The following FECH variants were observed in gnomAD, a reference collection of about 807,000 sequenced individuals.
FECH encodes the protein ferrochelatase.
In FECH, 40 loss-of-function variants were observed where a neutral mutation model predicts 56.9. That is an observed-to-expected ratio of 0.70 (90% CI 0.55 to 0.92). The LOEUF (loss-of-function observed/expected upper bound fraction) is 0.92. Ranked by LOEUF, FECH falls within the 40% of genes least tolerant of loss-of-function variation. The probability of loss-of-function intolerance (pLI) is 0.00; values close to 1 mark genes in which losing one functional copy is unlikely to be tolerated. For synonymous variants in FECH, 175 were observed against 198.6 expected (o/e 0.88, Z 1.00); for missense variants, 431 against 529.1 (o/e 0.81, Z 1.82).
Position 57,551,308 on chromosome 18 carries a change from T to C in FECH, c.1137+7A>G, listed in dbSNP as rs770720963. ...TTCTACTAAAACGATTGTAACACTGTAGATACCTTAGAGAACAATGGATTT... is the reference window on the plus strand; with the variant it reads ...TTCTACTAAAACGATTGTAACACTGCAGATACCTTAGAGAACAATGGATTT... On this transcript the variant is annotated splice_region_variant and intron_variant, in intron 10 of 10. Transcript: ENST00000262093. 1 of 1,599,500 alleles carries C rather than the reference T, an allele frequency of 6.3e-7. No individual in the cohort carries two copies. The highest frequency in any genetic ancestry group is 2.2e-5 in the East Asian group (1 of 44,764).
chr18:57,552,572 T>C (rs1360005443), intron 9 of FECH, among the ~76,000 whole-genome samples: 1 of 151,452 alleles, frequency 6.6e-6, no homozygotes, highest in Non-Finnish European at 1.5e-5. Flanking sequence ...AGCTAAGTTT[T>C]GTATTTTAGT....
chr18:57,552,408 A>T (rs573143590), intron 9 of FECH, among the ~76,000 whole-genome samples: 8 of 148,706 alleles, frequency 5.4e-5, no homozygotes, highest in Non-Finnish European at 7.5e-5. Flanking sequence ...TTATTTATTT[A>T]TTTATTTTTT....
chr18:57,579,573 A>G (rs1039439719), intron 2 of FECH, among the ~76,000 whole-genome samples: 4 of 152,176 alleles, frequency 2.6e-5, no homozygotes, highest in African/African-American at 9.7e-5. Context: ...CACCAGCAAC[A>G]GAAGAGGTGA....
chr18:57,574,673 C>T lies in FECH; in HGVS notation c.195-1308G>A, dbSNP rs148300476. Reference sequence around the variant, plus strand: ...GCCCCGCCAGAGGGCAAGGTGAAGTCGGAGCAGGACCAGGTGCCTCTGGCA... The same window carrying T: ...GCCCCGCCAGAGGGCAAGGTGAAGTTGGAGCAGGACCAGGTGCCTCTGGCA... On this transcript the variant is annotated intron_variant, in intron 2 of 10. Transcript: ENST00000262093. Among the ~76,000 whole-genome samples the T allele has an allele frequency of 1.3e-3, 199 of 152,382 alleles. 2 individuals are homozygous for T. Among genetic ancestry groups the T allele is most frequent in the African/African-American group, 4.5e-3 (187 of 41,594 alleles).
intron 2 of FECH, among the ~76,000 whole-genome samples, chr18:57,579,118 T>C (rs894886205): frequency 1.7e-4 from 26 of 151,646 alleles, no homozygotes; most frequent in African/African-American, 5.6e-4. Context: ...CGTGGTGGTA[T>C]GTGCCTGTAA....
intron 4 of FECH, among the ~76,000 whole-genome samples, chr18:57,567,143 T>C (rs1370777721): frequency 1.3e-5 from 2 of 152,046 alleles, no homozygotes; most frequent in African/African-American, 4.8e-5. Context: ...TATTACCCAG[T>C]TCCCCGAACC....
At chr18:57,585,509 G>T (rs2051355219) in intron 1 of FECH, among the ~76,000 whole-genome samples, 1 of 152,294 alleles carries the variant, frequency 6.6e-6, no homozygotes, top group Non-Finnish European at 1.5e-5. Context: ...GCACTGTGCT[G>T]CCTCTTCTTA....
rs948884489 is a variant in FECH at position 57,548,495 on chromosome 18, C to T, written c.*2217G>A. ...TGATTCATCAATTAAAAGCCAGATC[C>T]GTATATACACAGCTGAAGAAACTGC... On this transcript the variant is annotated 3_prime_UTR_variant, in exon 11 of 11. Transcript: ENST00000262093. 5 of 152,126 alleles carry T rather than the reference C, an allele frequency of 3.3e-5. No homozygotes were observed. The highest frequency in any genetic ancestry group is 7.3e-5 in the Non-Finnish European group (5 of 68,028). The allele number at this position is 152,126 out of a possible 1,614,324, so 9.4% of individuals were successfully genotyped here. A position where few individuals can be genotyped will look rare whatever the true frequency, so the allele number is the denominator to read the frequency against.
chr18:57,564,361 A>AGTT, intron 5 of FECH, among the ~76,000 whole-genome samples: 1 of 152,352 alleles, frequency 6.6e-6, no homozygotes, highest in South Asian at 2.1e-4. Flanking sequence ...AGATGGTGTC[A>AGTT]ACCCAATGTA....
At chr18:57,554,486 T>C (rs1406893427) in intron 8 of FECH, 62 bp from the exon 9 acceptor site, 1 of 1,194,554 alleles carries the variant, frequency 8.4e-7, no homozygotes, top group Non-Finnish European at 1.2e-6. Flanking sequence ...GTAGTACCCC[T>C]GTTTGCCCCC....
chr18:57,551,424 C>A, intron 9 of FECH, 50 bp from the exon 10 acceptor site: 1 of 1,400,258 alleles, frequency 7.1e-7, no homozygotes, highest in Non-Finnish European at 1.0e-6. Flanking sequence ...TTTTATTTTC[C>A]TTTTTTTTTC....
In FECH at chr18:57,546,402, T is replaced by C. The variant is rs2050721590; in HGVS notation, c.*4310A>G. Reference sequence around the variant, plus strand: ...AGGAATGCAGGTGCCCCCAGTCATCTACACTCTGAGCAGGGGGCAGGTCTT... The same window carrying C: ...AGGAATGCAGGTGCCCCCAGTCATCCACACTCTGAGCAGGGGGCAGGTCTT... On this transcript the variant is annotated 3_prime_UTR_variant, in exon 11 of 11. Transcript: ENST00000262093. 6.6e-6 allele frequency among the ~76,000 whole-genome samples: 1 copy of C among 152,156 alleles called. No individual in the cohort carries two copies.
At chr18:57,562,392 A>G (rs1461047169) in intron 6 of FECH, among the ~76,000 whole-genome samples, 1 of 152,192 alleles carries the variant, frequency 6.6e-6, no homozygotes, top group Non-Finnish European at 1.5e-5. Flanking sequence ...GAAATATGAA[A>G]TTTCTTTTAA....
At chr18:57,557,016 AGTGTGGGACCCTGGACTGG>A (rs1451357677) in intron 7 of FECH, among the ~76,000 whole-genome samples, 1 of 151,422 alleles carries the variant, frequency 6.6e-6, no homozygotes, top group African/African-American at 2.4e-5. Context: ...AGCCACACAC[AGTGTGGGACCCTGGACTGG>A]GTCCTGGGAG....
intron 2 of FECH, among the ~76,000 whole-genome samples, chr18:57,577,616 C>T (rs919443653): frequency 6.6e-6 from 1 of 152,112 alleles, no homozygotes; most frequent in African/African-American, 2.4e-5. Flanking sequence ...TAGTTTATGA[C>T]TTAATAAAAT....
At chr18:57,569,103 A>C (rs1183682552) in intron 4 of FECH, among the ~76,000 whole-genome samples, 1 of 152,254 alleles carries the variant, frequency 6.6e-6, no homozygotes, top group African/African-American at 2.4e-5. Context: ...GAATTATTTC[A>C]TGAGCATCCC....
rs950854901 is a variant in FECH at position 57,549,521 on chromosome 18, C to G, written c.*1191G>C. The G allele has an allele frequency of 6.8e-6, 1 of 146,974 alleles. No homozygotes were observed. Among genetic ancestry groups the G allele is most frequent in the Non-Finnish European group, 1.5e-5 (1 of 65,948 alleles). 9.1% of individuals were successfully genotyped at this position (146,974 alleles called of 1,614,324 possible). ...CTTTACAAATTCTTCATGGAACCAC[C>G]GGGGATCTTTTAATCCATTTAAATA... On this transcript the variant is annotated 3_prime_UTR_variant, in exon 11 of 11. Transcript: ENST00000262093.
chr18:57,570,457 G>A (rs2051088833), intron 4 of FECH, among the ~76,000 whole-genome samples: 1 of 152,200 alleles, frequency 6.6e-6, no homozygotes, highest in African/African-American at 2.4e-5. Context: ...TGGATTCTGA[G>A]AACAGCTGGA....
chr18:57,563,955 C>T (rs552265124), intron 5 of FECH, among the ~76,000 whole-genome samples: 10 of 152,106 alleles, frequency 6.6e-5, no homozygotes, highest in South Asian at 2.1e-4. Context: ...CTCAGCTTAC[C>T]GCAACCTCCA....
Sources: gnomAD v4.1 joint callset for allele counts (sites outside exome capture counted in the v4.1 genomes callset) on GRCh38, gnomAD v4.1.1 for gene constraint, MANE v1.5 for transcripts, NCBI Gene and HGNC (gene_info 2026-07-23, HGNC 2026-07-21) for gene names.